The following TNPO3 variants were observed in gnomAD, a reference collection of about 807,000 sequenced individuals.
TNPO3 encodes the protein transportin-3.
Under a neutral mutation model 122.8 loss-of-function variants are expected in TNPO3, and 65 were observed. The ratio of observed to expected loss-of-function variants is 0.53; its 90% CI spans 0.43 to 0.65. The LOEUF (loss-of-function observed/expected upper bound fraction) is 0.65, where lower values mean the gene tolerates loss of function less well. TNPO3 is among the 30% of genes least tolerant of loss of function. The pLI, the probability that TNPO3 is intolerant of heterozygous loss-of-function variation, is 0.00. For synonymous variants in TNPO3, 372 were observed against 411.2 expected, an observed-to-expected ratio of 0.90 and a Z score of 1.15; for missense variants, 850 against 1,136.7, an observed-to-expected ratio of 0.75 and a Z score of 3.63.
At chr7:129,039,960 G>A (rs1233552452) in intron 1 of TNPO3, among the ~76,000 whole-genome samples, 1 of 152,102 alleles carries the variant, frequency 6.6e-6, no homozygotes, top group African/African-American at 2.4e-5. Context: ...TTTCTGGTAT[G>A]ATGAAAATGT....
intron 22 of TNPO3, among the ~76,000 whole-genome samples, chr7:128,956,300 C>G (rs1201694444): frequency 1.3e-5 from 2 of 152,204 alleles, no homozygotes; most frequent in Admixed American, 1.3e-4. Flanking sequence ...AGAATTGCCT[C>G]CTGGGAGAAG....
chr7:128,994,035 TA>T, intron 8 of TNPO3, 121 bp from the exon 9 acceptor site: 1 of 826,660 alleles, frequency 1.2e-6, no homozygotes, highest in South Asian at 1.8e-5. Flanking sequence ...AAAAGTTGCC[TA>T]AATCACGAGG....
intron 1 of TNPO3, among the ~76,000 whole-genome samples, chr7:129,035,143 G>A (rs1415713345): frequency 1.3e-5 from 2 of 151,470 alleles, no homozygotes; most frequent in Admixed American, 6.6e-5. Flanking sequence ...GCGCGGTGGC[G>A]GGTGCCTGTA....
At position 128,992,077 on chromosome 7, in the gene TNPO3, A is replaced by G; in HGVS notation, c.1280T>C (p.Leu427Pro). 6.3e-7 allele frequency: 1 copy of G among 1,599,042 alleles called. No individual in the cohort carries two copies. The highest frequency in any genetic ancestry group is 8.5e-7 in the Non-Finnish European group (1 of 1,170,378). Reference protein sequence around the residue: ...MECFAQLYSTLKEGNPPWEVT... With the variant: ...MECFAQLYSTPKEGNPPWEVT... ...CTCCCAGGGTGGGTTGCCTTCTTTC[A>G]GAGTAGAATATAACTAGAGAAGAAG... Residue 427 changes from leucine to proline, a missense_variant, in exon 10 of 23, where the codon CTG becomes CCG. Physicochemically the swap from Leu to Pro is moderately conservative, Grantham distance 98. Transcript: ENST00000265388.
intron 1 of TNPO3, among the ~76,000 whole-genome samples, chr7:129,043,475 G>A (rs1807651163): frequency 6.6e-6 from 1 of 152,122 alleles, no homozygotes; most frequent in South Asian, 2.1e-4. Flanking sequence ...CTGCACAGTG[G>A]GGTCTTCCCG....
At chr7:129,017,812 CGTT>C (rs1804014718) in intron 2 of TNPO3, 142 bp downstream of exon 2, 1 of 750,848 alleles carries the variant, frequency 1.3e-6, no homozygotes, top group South Asian at 1.9e-5. Flanking sequence ...TTAACAATTT[CGTT>C]TTCTATCCAC....
At chr7:129,031,763 C>A (rs1180437227) in intron 1 of TNPO3, among the ~76,000 whole-genome samples, 1 of 152,132 alleles carries the variant, frequency 6.6e-6, no homozygotes, top group African/African-American at 2.4e-5. Flanking sequence ...CTAATAATAT[C>A]CCTTATGAAT....
At chr7:128,974,513 G>A (rs1798857012) in intron 18 of TNPO3, among the ~76,000 whole-genome samples, 1 of 152,008 alleles carries the variant, frequency 6.6e-6, no homozygotes. Flanking sequence ...AGGATGCTAA[G>A]CTTCTCAAAG....
chr7:128,960,788 C>T (rs1009817701), intron 21 of TNPO3, among the ~76,000 whole-genome samples: 2 of 151,700 alleles, frequency 1.3e-5, no homozygotes, highest in Non-Finnish European at 2.9e-5. Flanking sequence ...GAGACAGAGT[C>T]TCACTCTGTC....
At chr7:128,978,960 C>A (rs762110320) in intron 16 of TNPO3, 23 bp downstream of exon 16, 1 of 1,609,312 alleles carries the variant, frequency 6.2e-7, no homozygotes, top group Admixed American at 1.7e-5. Flanking sequence ...TGGAACACGT[C>A]CCCCCGCAAC....
intron 4 of TNPO3, among the ~76,000 whole-genome samples, chr7:129,007,840 C>T (rs1802740233): frequency 6.6e-6 from 1 of 152,126 alleles, no homozygotes; most frequent in African/African-American, 2.4e-5. Context: ...AGTAAATATC[C>T]AAGTATTTAT....
chr7:129,051,936 A>G (rs11976775), intron 1 of TNPO3, among the ~76,000 whole-genome samples: 110,354 of 152,178 alleles, frequency 0.73, 40,580 homozygotes, highest in Non-Finnish European at 0.78. Flanking sequence ...GAGCCACTGC[A>G]CGCCCAGCCT....
intron 21 of TNPO3, among the ~76,000 whole-genome samples, chr7:128,960,331 C>T (rs1797318344): frequency 6.6e-6 from 1 of 151,568 alleles, no homozygotes; most frequent in Non-Finnish European, 1.5e-5. Context: ...ATTCCTTCTA[C>T]TTACAAAAAA....
intron 1 of TNPO3, among the ~76,000 whole-genome samples, chr7:129,043,060 CA>C (rs1807583965): frequency 6.6e-6 from 1 of 151,946 alleles, no homozygotes; most frequent in Non-Finnish European, 1.5e-5. Context: ...AAAAGGAAAA[CA>C]AGTATTTTCC....
At chr7:128,989,131 C>T (rs1045667501) in intron 11 of TNPO3, among the ~76,000 whole-genome samples, 2 of 151,984 alleles carry the variant, frequency 1.3e-5, no homozygotes, top group Non-Finnish European at 2.9e-5. Flanking sequence ...GTACGTTGAA[C>T]TTAGAAAGCA....
intron 13 of TNPO3, 57 bp downstream of exon 13, chr7:128,984,111 C>A (rs1011125746): frequency 8.7e-7 from 1 of 1,155,324 alleles, no homozygotes; most frequent in South Asian, 1.7e-5. Flanking sequence ...TTCATCTTTT[C>A]ATTTTTAACA....
intron 19 of TNPO3, among the ~76,000 whole-genome samples, chr7:128,971,862 G>A (rs773439051): frequency 1.3e-4 from 20 of 151,966 alleles, no homozygotes; most frequent in African/African-American, 3.1e-4. Flanking sequence ...GCTTTCCCTC[G>A]TCTGATCTCA....
In TNPO3 at chr7:129,000,982, C is replaced by T. The variant is rs963949938; in HGVS notation, c.872+77G>A. On this transcript the variant is annotated intron_variant, in intron 6 of 22. Coordinates refer to ENST00000265388, the MANE Select transcript of TNPO3 (RefSeq NM_012470.4). The stretch of plus-strand genomic sequence containing the variant: ...ATCACTGAGAATCACAAATGACAGA[C>T]GAATAATAAAAAGTGACTTAAAAGA... 50 of 1,476,932 alleles carry T rather than the reference C, an allele frequency of 3.4e-5. No individual in the cohort carries two copies. In the South Asian group the frequency reaches 3.6e-4, roughly 11 times the overall value. 91.5% of individuals were successfully genotyped at this position (1,476,932 alleles called of 1,614,324 possible). A position where few individuals can be genotyped will look rare whatever the true frequency, so the allele number is the denominator to read the frequency against.
At chr7:129,027,683 G>A (rs898829872) in intron 1 of TNPO3, among the ~76,000 whole-genome samples, 3 of 151,124 alleles carry the variant, frequency 2.0e-5, no homozygotes, top group African/African-American at 7.3e-5. Flanking sequence ...AGAAAGAAGG[G>A]AATGGAAGAG....
Sources: gnomAD v4.1 joint callset for allele counts (sites outside exome capture counted in the v4.1 genomes callset) on GRCh38, gnomAD v4.1.1 for gene constraint, MANE v1.5 for transcripts, NCBI Gene and HGNC (gene_info 2026-07-23, HGNC 2026-07-21) for gene names.